Variants in NALF1 observed in about 807,000 individuals in gnomAD.
NALF1 encodes family with sequence similarity 155 member A.
A neutral mutation model predicts 48.4 loss-of-function variants in NALF1; 3 were observed. The ratio of observed to expected loss-of-function variants is 0.06; its 90% CI spans 0.03 to 0.16. The LOEUF is 0.16. Ranked by LOEUF, NALF1 falls within the 10% of genes least tolerant of loss-of-function variation. The probability of loss-of-function intolerance (pLI) is 1.00; values close to 1 mark genes in which losing one functional copy is unlikely to be tolerated. For synonymous variants in NALF1, 262 were observed against 245.7 expected (o/e 1.07, Z -0.62); for missense variants, 526 against 571.5 (o/e 0.92, Z 0.81).
chr13:107,665,296 T>A (rs926617524), intron 1 of NALF1, among the ~76,000 whole-genome samples: 3 of 152,168 alleles, frequency 2.0e-5, no homozygotes, highest in Non-Finnish European at 4.4e-5. Flanking sequence ...ATGAGATTTA[T>A]CATTGTGTTT....
chr13:107,330,133 C>T (rs1357276403), intron 1 of NALF1, among the ~76,000 whole-genome samples: 2 of 152,140 alleles, frequency 1.3e-5, no homozygotes, highest in Non-Finnish European at 2.9e-5. Context: ...AATAGCTACA[C>T]GAGGCACTTC....
chr13:107,578,858 T>C (rs1379077202), intron 1 of NALF1, among the ~76,000 whole-genome samples: 2 of 152,204 alleles, frequency 1.3e-5, no homozygotes, highest in East Asian at 1.9e-4. Flanking sequence ...TTCTTAAGTA[T>C]GCTGCTATGT....
At chr13:107,420,199 T>C (rs147929569) in intron 1 of NALF1, among the ~76,000 whole-genome samples, 1 of 152,286 alleles carries the variant, frequency 6.6e-6, no homozygotes, top group African/African-American at 2.4e-5. Context: ...CATGTTTTTA[T>C]AGTCAGCAAT....
At chr13:107,241,544 G>A (rs1424488656) in intron 1 of NALF1, among the ~76,000 whole-genome samples, 1 of 152,192 alleles carries the variant, frequency 6.6e-6, no homozygotes, top group Non-Finnish European at 1.5e-5. Flanking sequence ...AACCCACTGT[G>A]CCTCAGCTTC....
chr13:107,678,506 T>C (rs1052774432), intron 1 of NALF1, among the ~76,000 whole-genome samples: 1 of 152,200 alleles, frequency 6.6e-6, no homozygotes, highest in Non-Finnish European at 1.5e-5. Flanking sequence ...CAAATCCGAA[T>C]CTCTGTGACC....
At chr13:107,312,110 G>C (rs1344120857) in intron 1 of NALF1, among the ~76,000 whole-genome samples, 1 of 152,136 alleles carries the variant, frequency 6.6e-6, no homozygotes, top group East Asian at 1.9e-4. Context: ...CTGCTATAAA[G>C]ACACATGCAC....
intron 1 of NALF1, among the ~76,000 whole-genome samples, chr13:107,423,309 T>C (rs117800359): frequency 1.9e-3 from 287 of 152,082 alleles, no homozygotes; most frequent in Non-Finnish European, 3.0e-3. Flanking sequence ...CTGGGAAAAA[T>C]AAGAAGGAAA....
chr13:107,231,439 C>G (rs556535207), intron 1 of NALF1, among the ~76,000 whole-genome samples: 1 of 152,010 alleles, frequency 6.6e-6, no homozygotes, highest in African/African-American at 2.4e-5. Flanking sequence ...TGGTATATTT[C>G]CCCCAACCCG....
intron 1 of NALF1, among the ~76,000 whole-genome samples, chr13:107,808,085 T>G (rs905707292): frequency 6.6e-6 from 1 of 152,134 alleles, no homozygotes; most frequent in African/African-American, 2.4e-5. Context: ...ACAATTATAC[T>G]TGGCTACAAG....
At chr13:107,385,787 A>AT (rs961016374) in intron 1 of NALF1, among the ~76,000 whole-genome samples, 2 of 152,230 alleles carry the variant, frequency 1.3e-5, no homozygotes, top group African/African-American at 4.8e-5. Flanking sequence ...ATATTTCTAC[A>AT]TTTTTGTCCC....
intron 2 of NALF1, among the ~76,000 whole-genome samples, chr13:107,172,017 T>G (rs967181972): frequency 1.3e-5 from 2 of 152,092 alleles, no homozygotes; most frequent in African/African-American, 4.8e-5. Flanking sequence ...AATCTAAAGG[T>G]CTCTCCTCTC....
At chr13:107,791,613 C>T (rs980680353) in intron 1 of NALF1, among the ~76,000 whole-genome samples, 2 of 151,982 alleles carry the variant, frequency 1.3e-5, no homozygotes, top group African/African-American at 4.8e-5. Context: ...AAGAATTGTA[C>T]TCAGAATTGA....
chr13:107,274,931 T>C (rs536483956), intron 1 of NALF1, among the ~76,000 whole-genome samples: 2 of 152,196 alleles, frequency 1.3e-5, no homozygotes, highest in South Asian at 2.1e-4. Context: ...TTGCCAAGAA[T>C]TGGCACAATA....
intron 1 of NALF1, among the ~76,000 whole-genome samples, chr13:107,352,535 G>C (rs1882895645): frequency 6.6e-6 from 1 of 152,118 alleles, no homozygotes; most frequent in Admixed American, 6.6e-5. Context: ...CTATCTTCCA[G>C]GTTGCAGGGT....
intron 1 of NALF1, among the ~76,000 whole-genome samples, chr13:107,605,736 G>A (rs1269729591): frequency 9.2e-5 from 14 of 152,184 alleles, no homozygotes; most frequent in Non-Finnish European, 2.1e-4. Flanking sequence ...AGACAAGGGT[G>A]TTGCAGATTA....
chr13:107,803,184 G>A (rs1878672976), intron 1 of NALF1, among the ~76,000 whole-genome samples: 1 of 152,168 alleles, frequency 6.6e-6, no homozygotes, highest in South Asian at 2.1e-4. Context: ...AGGTAGCTGA[G>A]CTGTGCCTAT....
chr13:107,525,827 A>T, intron 1 of NALF1, among the ~76,000 whole-genome samples: 1 of 152,268 alleles, frequency 6.6e-6, no homozygotes, highest in Non-Finnish European at 1.5e-5. Context: ...TAAACACTTA[A>T]TTTTAAATCA....
chr13:107,276,497 TA>T (rs1566472144), intron 1 of NALF1, among the ~76,000 whole-genome samples: 1 of 152,082 alleles, frequency 6.6e-6, no homozygotes, highest in African/African-American at 2.4e-5. Flanking sequence ...ATCGAACAAT[TA>T]AAAAAAGGTG....
In NALF1 at chr13:107,643,982, C is replaced by T. The variant is rs548388573; in HGVS notation, c.915+221700G>A. On this transcript the variant is annotated intron_variant, in intron 1 of 2. Coordinates refer to ENST00000375915, the MANE Select transcript of NALF1 (RefSeq NM_001080396.3). ...AGATGATTTTTTTTTTTTTTTTTGC[C>T]AAAATTTTTTATTTGAGCACATGCA... is the stretch of plus-strand genomic sequence containing the variant. Among the ~76,000 whole-genome samples, 231 of 145,466 alleles carry T rather than the reference C, an allele frequency of 1.6e-3. 2 individuals carry two copies. Among genetic ancestry groups the T allele is most frequent in the African/African-American group, 5.5e-3 (211 of 38,518 alleles).
Sources: allele counts gnomAD v4.1 joint callset (sites outside exome capture counted in the v4.1 genomes callset), GRCh38; gene constraint gnomAD v4.1.1; transcripts MANE v1.5; gene names NCBI Gene and HGNC (gene_info 2026-07-23, HGNC 2026-07-21).